SAFB: variants seen among roughly 807,000 people sequenced by gnomAD.
The protein encoded by SAFB is scaffold attachment factor B1.
In SAFB, 15 loss-of-function variants were observed where a neutral mutation model predicts 101.6. The observed-to-expected ratio is 0.15, with a 90% confidence interval of 0.10 to 0.23. The LOEUF is 0.23. Ranked by LOEUF, SAFB falls within the 10% of genes least tolerant of loss-of-function variation. The pLI, the probability that SAFB is intolerant of heterozygous loss-of-function variation, is 1.00. For synonymous variants in SAFB, 449 were observed against 407.5 expected (o/e 1.10, Z -1.23); for missense variants, 930 against 1,104.1 (o/e 0.84, Z 2.23).
At chr19:5,624,583 A>G (rs1402878072) in intron 1 of SAFB, among the ~76,000 whole-genome samples, 1 of 150,712 alleles carries the variant, frequency 6.6e-6, no homozygotes, top group Non-Finnish European at 1.5e-5. Flanking sequence ...CCCACCCCCC[A>G]GCCCCTGCAG....
chr19:5,667,264 T>A lies in SAFB; in HGVS notation c.2454-83T>A. On this transcript the variant is annotated intron_variant, in intron 18 of 20. Coordinates refer to ENST00000588852, the MANE Select transcript of SAFB (RefSeq NM_001201338.2). The surrounding 1 kb of genome is among the most constrained non-coding windows in gnomAD (Gnocchi z 4.0). ...GCACAGGGTGGGAAACACAGAGGGA[T>A]TCACTCTCCAGAAGCCGCCACAGTT... is the stretch of plus-strand genomic sequence containing the variant. The A allele has an allele frequency of 7.9e-7, 1 of 1,273,264 alleles. No homozygotes were observed. Among genetic ancestry groups the A allele is most frequent in the Non-Finnish European group, 1.1e-6 (1 of 931,234 alleles). 78.9% of individuals were successfully genotyped at this position (1,273,264 alleles called of 1,614,324 possible). A position where few individuals can be genotyped will look rare whatever the true frequency, so the allele number is the denominator to read the frequency against.
chr19:5,627,133 A>G (rs2053382841), intron 2 of SAFB, among the ~76,000 whole-genome samples: 1 of 150,884 alleles, frequency 6.6e-6, no homozygotes. Context: ...TAATGATTGC[A>G]CCACTGCACT....
intron 11 of SAFB, 60 bp from the exon 12 acceptor site, chr19:5,654,001 A>G (rs998450777): frequency 4.5e-6 from 7 of 1,558,418 alleles, no homozygotes; most frequent in African/African-American, 4.1e-5. Context: ...TCATCCCCCC[A>G]AAGTGCTGGG....
rs561011464 is a variant in SAFB at position 5,661,781 on chromosome 19, C to T, written c.2126C>T (p.Ala709Val). ...ELRYEQERRP[A>V]VRRPYDLDRR... ...CGCTATGAGCAGGAGCGGCGGCCCGCGGTGCGGCGGCCCTACGACCTGGAC... is the reference window on the plus strand; with the variant it reads ...CGCTATGAGCAGGAGCGGCGGCCCGTGGTGCGGCGGCCCTACGACCTGGAC... Residue 709 changes from alanine to valine, a missense_variant, in exon 15 of 21, where the codon GCG becomes GTG. This residue lies in a region of SAFB where 318 missense variants were observed against 342.6 expected (regional missense o/e 0.93). Transcript: ENST00000588852. 18 of 1,559,400 alleles carry T rather than the reference C, an allele frequency of 1.2e-5. No individual in the cohort carries two copies. The African/African-American group carries it at 1.5e-4, about 13-fold the overall frequency.
chr19:5,626,738 C>T (rs569921720), intron 2 of SAFB, among the ~76,000 whole-genome samples: 49 of 152,258 alleles, frequency 3.2e-4, no homozygotes, highest in Non-Finnish European at 5.3e-4. Context: ...AGATTGTCAG[C>T]GGTCCTTAAA....
At chr19:5,624,079 G>A (rs2053274921) in intron 1 of SAFB, 1 of 152,022 alleles carries the variant, frequency 6.6e-6, no homozygotes, top group Non-Finnish European at 1.5e-5. Context: ...TTTAAAACCA[G>A]CCTCAGAACT....
At chr19:5,651,099 G>C in intron 9 of SAFB, 27 bp downstream of exon 9, 1 of 1,472,108 alleles carries the variant, frequency 6.8e-7, no homozygotes, top group Non-Finnish European at 9.4e-7. Context: ...TTCTGGAGAA[G>C]ATACTTTGAA....
At position 5,661,590 on chromosome 19, in the gene SAFB, G is replaced by A. The variant is rs1430090074; in HGVS notation, c.1935G>A (p.Leu645=). The A allele has an allele frequency of 6.2e-7, 1 of 1,613,028 alleles. No individual in the cohort carries two copies. The highest frequency in any genetic ancestry group is 8.5e-7 in the Non-Finnish European group (1 of 1,179,918). ...GGGAGCGCGAGGAGCGTGAGCGGCT[G>A]GAGATTGCCCGAGAGAGGCTGGCCT... ...AQWEREERER[L]EIARERLAFQ... Residue 645 remains leucine (L), a synonymous_variant, in exon 15 of 21, where the codon CTG becomes CTA. Transcript: ENST00000588852.
intron 9 of SAFB, among the ~76,000 whole-genome samples, chr19:5,652,705 T>C (rs1599362456): frequency 6.6e-6 from 1 of 152,230 alleles, no homozygotes; most frequent in South Asian, 2.1e-4. Context: ...CACAGACCTT[T>C]CCTTGCATCA....
intron 9 of SAFB, among the ~76,000 whole-genome samples, chr19:5,651,711 C>T (rs1039084997): frequency 2.0e-5 from 3 of 152,180 alleles, no homozygotes; most frequent in Non-Finnish European, 4.4e-5. Context: ...CACTCCCTTC[C>T]TCCCTGGTGT....
intron 2 of SAFB, among the ~76,000 whole-genome samples, chr19:5,631,520 TAGAG>T (rs1220120753): frequency 6.6e-6 from 1 of 152,188 alleles, no homozygotes; most frequent in African/African-American, 2.4e-5. Context: ...TAACTGAAAA[TAGAG>T]GGACTGCTGT....
intron 2 of SAFB, among the ~76,000 whole-genome samples, chr19:5,641,145 C>T (rs954220771): frequency 1.1e-4 from 16 of 152,228 alleles, no homozygotes; most frequent in African/African-American, 3.4e-4. Context: ...GCTGGGATTA[C>T]AGGCGTAAGC....
chr19:5,661,286 A>G lies in SAFB; in HGVS notation c.1863-232A>G, dbSNP rs117859460. 2.9e-3 allele frequency among the ~76,000 whole-genome samples: 448 copies of G among 152,260 alleles called. 1 individual carries two copies. Among genetic ancestry groups the G allele is most frequent in the Middle Eastern group, 6.8e-3 (2 of 294 alleles). ...TCAAGCTCCAGGAAATGTTGGAGAA[A>G]GGAGGCCCAGTTCTGATCACACACA... On this transcript the variant is annotated intron_variant, in intron 14 of 20. Transcript: ENST00000588852.
Position 5,668,348 on chromosome 19 carries a change from T to TA in SAFB, c.*58dup, listed in dbSNP as rs2054386078. 22 of 1,540,936 alleles carry TA rather than the reference T, an allele frequency of 1.4e-5. No individual in the cohort carries two copies. Among genetic ancestry groups the TA allele is most frequent in the Non-Finnish European group, 1.8e-5 (21 of 1,152,006 alleles). ...AACAAGGCTATGTTCTGTTAGGAGT[T>TA]ACCTTAAACTGTGTAAAAATATTTT... is the stretch of plus-strand genomic sequence containing the variant. On this transcript the variant is annotated 3_prime_UTR_variant, in exon 21 of 21. Transcript: ENST00000588852.
At chr19:5,647,065 C>T (rs2053842060) in intron 5 of SAFB, among the ~76,000 whole-genome samples, 1 of 152,232 alleles carries the variant, frequency 6.6e-6, no homozygotes, top group South Asian at 2.1e-4. Flanking sequence ...GGAACCTAGT[C>T]AGTGCCCATC....
At chr19:5,657,110 G>A in intron 13 of SAFB, 131 bp from the exon 14 acceptor site, 1 of 634,374 alleles carries the variant, frequency 1.6e-6, no homozygotes, top group Non-Finnish European at 2.8e-6. Context: ...TCACCATGTT[G>A]GCCAGGCTGG....
chr19:5,645,362 AT>A lies in SAFB; in HGVS notation c.575del (p.Leu192Ter). The A allele has an allele frequency of 7.3e-7, 1 of 1,365,018 alleles. No homozygotes were observed. The highest frequency in any genetic ancestry group is 1.0e-6 in the Non-Finnish European group (1 of 954,198). The allele number at this position is 1,365,018 out of a possible 1,614,324, so 84.6% of individuals were successfully genotyped here. ...ATAGAGGACAAAGAAACTATAAACA[AT>A]TTAGATACTTCATCATCTGACTTCA... ...HAIEDKETIN[N>X]LDTSSSDFTI... is the part of the protein sequence containing the mutation. On this transcript the variant is annotated frameshift_variant, in exon 5 of 21. Transcript: ENST00000588852. LOFTEE classifies it high-confidence loss of function.
At chr19:5,656,806 A>T (rs2054072954) in intron 13 of SAFB, among the ~76,000 whole-genome samples, 1 of 151,852 alleles carries the variant, frequency 6.6e-6, no homozygotes, top group Non-Finnish European at 1.5e-5. Flanking sequence ...AGTCTCAGTC[A>T]GTCACTCAGG....
At chr19:5,634,652 A>G (rs1170202963) in intron 2 of SAFB, among the ~76,000 whole-genome samples, 1 of 152,114 alleles carries the variant, frequency 6.6e-6, no homozygotes, top group Non-Finnish European at 1.5e-5. Flanking sequence ...TCCAGAAAGC[A>G]TTGAATGTTC....
Sources: allele counts gnomAD v4.1 joint callset (sites outside exome capture counted in the v4.1 genomes callset), GRCh38; gene constraint gnomAD v4.1.1; regional missense constraint gnomAD v4.1.1; non-coding constraint Gnocchi (gnomAD v3.1); transcripts MANE v1.5; gene names NCBI Gene and HGNC (gene_info 2026-07-23, HGNC 2026-07-21).